Variants in EYS observed in about 807,000 individuals in gnomAD.
The protein encoded by EYS is protein eyes shut homolog.
Under a neutral mutation model 282.1 loss-of-function variants are expected in EYS, and 250 were observed. The ratio of observed to expected loss-of-function variants is 0.89; its 90% CI spans 0.80 to 0.98. EYS has a LOEUF of 0.98. Among genes scored for constraint, EYS ranks in the 50% least tolerant of loss-of-function variants. The pLI, the probability that EYS is intolerant of heterozygous loss-of-function variation, is 0.00. For synonymous variants in EYS, 1,355 were observed against 1,282.9 expected (o/e 1.06, Z -1.20); for missense variants, 4,016 against 3,709.0 (o/e 1.08, Z -2.15).
In EYS at chr6:64,315,567, C is replaced by T. The variant is rs367963104; in HGVS notation, c.6079-8485G>A. ...AGCCACACATCAAAAAGCTTTTCTA[C>T]CACGATCAAGTCAGCTTCATCCCTG... On this transcript the variant is annotated intron_variant, in intron 29 of 42. Transcript: ENST00000503581. Among the ~76,000 whole-genome samples the T allele has an allele frequency of 5.3e-5, 8 of 151,506 alleles. No individual in the cohort carries two copies. In the South Asian group the frequency reaches 8.3e-4, roughly 16 times the overall value.
At chr6:64,973,832 C>T (rs1039119500) in intron 14 of EYS, among the ~76,000 whole-genome samples, 2 of 151,762 alleles carry the variant, frequency 1.3e-5, no homozygotes, top group African/African-American at 4.8e-5. Flanking sequence ...TTAAAATGGG[C>T]TTTATTATAA....
At chr6:64,019,385 C>A (rs1336732773) in intron 33 of EYS, among the ~76,000 whole-genome samples, 2 of 151,708 alleles carry the variant, frequency 1.3e-5, no homozygotes, top group Non-Finnish European at 1.5e-5. Context: ...CTACAAGAAA[C>A]AAATAAAGGG....
In EYS at chr6:64,822,710, A is replaced by C. The variant is rs969468917; in HGVS notation, c.3105T>G (p.Phe1035Leu). 1.4e-5 allele frequency: 22 copies of C among 1,548,494 alleles called. No individual in the cohort carries two copies. The highest frequency in any genetic ancestry group is 1.7e-4 in the Middle Eastern group (1 of 6,000). Residue 1035 changes from phenylalanine (F) to leucine (L), a missense_variant, in exon 20 of 43, where the codon TTT becomes TTG. Coordinates refer to ENST00000503581, the MANE Select transcript of EYS (RefSeq NM_001142800.2). The part of the protein sequence containing the change: ...HYTCDCKSGF[F>L]GTHCETNAND... ...TGGCGTTTGTTTCACAGTGTGTTCC[A>C]AAAAACCCACTCTTGCAGTCACAGG...
In EYS at chr6:64,701,913, G is replaced by T. The variant is rs114421652; in HGVS notation, c.3444-75668C>A. Among the ~76,000 whole-genome samples the T allele has an allele frequency of 4.9e-3, 748 of 151,564 alleles. 2 individuals carry two copies. The highest frequency in any genetic ancestry group is 0.017 in the African/African-American group (689 of 41,352). On this transcript the variant is annotated intron_variant, in intron 22 of 42. Transcript: ENST00000503581. ...TATATAATAACTTTAAAATAGTCTG[G>T]TTTTTTTTGAATTTGCTTTGCAATT...
At chr6:63,780,688 T>A (rs995031125) in intron 39 of EYS, among the ~76,000 whole-genome samples, 1 of 152,160 alleles carries the variant, frequency 6.6e-6, no homozygotes, top group Non-Finnish European at 1.5e-5. Flanking sequence ...TTTTCTCCCA[T>A]TCTGTAGGTT....
intron 29 of EYS, among the ~76,000 whole-genome samples, chr6:64,361,130 G>C (rs1771987416): frequency 1.3e-5 from 2 of 151,562 alleles, no homozygotes; most frequent in Non-Finnish European, 3.0e-5. Flanking sequence ...TATATATTTT[G>C]ATTATCACAT....
chr6:63,839,267 T>C (rs1771887837), intron 36 of EYS, among the ~76,000 whole-genome samples: 1 of 152,212 alleles, frequency 6.6e-6, no homozygotes, highest in Non-Finnish European at 1.5e-5. Flanking sequence ...TATAGTTTTA[T>C]GAGATCAGCT....
intron 12 of EYS, among the ~76,000 whole-genome samples, chr6:65,251,909 C>G (rs1469348469): frequency 6.6e-6 from 1 of 151,860 alleles, no homozygotes; most frequent in Non-Finnish European, 1.5e-5. Context: ...CTCTCTTTTT[C>G]TTTGTACCAG....
intron 22 of EYS, among the ~76,000 whole-genome samples, chr6:64,766,650 ATATATATATATATATATATATATAT>A (rs1374987692): frequency 7.2e-5 from 2 of 27,648 alleles, no homozygotes; most frequent in Non-Finnish European, 1.3e-4. Flanking sequence ...AAAAAAAAAA[ATATATATATATATATATATATATAT>A]ATATATATAA....
Position 64,730,436 on chromosome 6 carries a change from A to G in EYS, c.3443+82942T>C, listed in dbSNP as rs115781084. ...TGCCAACATGGGATAAGGAGATTGC[A>G]TGACTGAATATCTTGGAGAAGAGCA... On this transcript the variant is annotated intron_variant, in intron 22 of 42. Transcript: ENST00000503581. Among the ~76,000 whole-genome samples the G allele has an allele frequency of 2.3e-3, 344 of 152,312 alleles. 2 individuals carry two copies. The highest frequency in any genetic ancestry group is 8.0e-3 in the African/African-American group (332 of 41,560).
chr6:64,825,251 C>T lies in EYS; in HGVS notation c.2993-2429G>A, dbSNP rs1351547477. Among the ~76,000 whole-genome samples the T allele has an allele frequency of 2.6e-5, 4 of 151,882 alleles. 1 individual carries two copies. The East Asian group carries it at 7.7e-4, about 29-fold the overall frequency. Reference sequence around the variant, plus strand: ...TATTCAACCACACAATACAAAATTGCATTCTCGTCTTAATCCGCAATTGCC... The same window carrying T: ...TATTCAACCACACAATACAAAATTGTATTCTCGTCTTAATCCGCAATTGCC... On this transcript the variant is annotated intron_variant, in intron 19 of 42. Coordinates refer to ENST00000503581, the MANE Select transcript of EYS (RefSeq NM_001142800.2).
intron 11 of EYS, among the ~76,000 whole-genome samples, chr6:65,322,892 CTT>C (rs936191238): frequency 4.0e-5 from 6 of 150,632 alleles, no homozygotes; most frequent in Non-Finnish European, 5.9e-5. Flanking sequence ...CTCAGTGGCT[CTT>C]GATTTAGGGA....
chr6:64,145,636 C>A lies in EYS; in HGVS notation c.6425-63634G>T, dbSNP rs866859049. Among the ~76,000 whole-genome samples the A allele has an allele frequency of 2.6e-5, 4 of 151,694 alleles. No individual in the cohort carries two copies. The South Asian group carries it at 6.2e-4, about 24-fold the overall frequency. On this transcript the variant is annotated intron_variant, in intron 31 of 42. Transcript: ENST00000503581. Reference sequence around the variant, plus strand: ...TAAGTACATGCTTAAAATTTAAAACCTTATCTTTTTTTCTTTACTCTTGTA... The same window carrying A: ...TAAGTACATGCTTAAAATTTAAAACATTATCTTTTTTTCTTTACTCTTGTA...
At chr6:64,732,223 T>TGTATGCC (rs745790839) in intron 22 of EYS, among the ~76,000 whole-genome samples, 7,070 of 151,798 alleles carry the variant, frequency 0.047, 220 homozygotes, top group East Asian at 0.18. Flanking sequence ...GATGGGTTGC[T>TGTATGCC]GGGTGCAGCA....
At chr6:65,443,202 T>C (rs1232665362) in intron 5 of EYS, among the ~76,000 whole-genome samples, 2 of 151,826 alleles carry the variant, frequency 1.3e-5, no homozygotes, top group African/African-American at 2.4e-5. Flanking sequence ...TGTGCGCACA[T>C]ATATGTATGC....
chr6:65,629,206 TTAAATC>T (rs1038792269), intron 2 of EYS, among the ~76,000 whole-genome samples: 6 of 152,126 alleles, frequency 3.9e-5, no homozygotes, highest in Admixed American at 2.0e-4. Context: ...GTACCCAAAA[TTAAATC>T]TAAAGGGAGA....
At chr6:64,559,273 G>GCA (rs1260550906) in intron 26 of EYS, among the ~76,000 whole-genome samples, 10 of 116,850 alleles carry the variant, frequency 8.6e-5, no homozygotes, top group South Asian at 2.8e-4. Flanking sequence ...GTGTGTGCAT[G>GCA]TGTGTGTGTG....
intron 28 of EYS, among the ~76,000 whole-genome samples, chr6:64,415,722 T>G (rs1774039896): frequency 6.6e-6 from 1 of 152,198 alleles, no homozygotes; most frequent in Admixed American, 6.5e-5. Flanking sequence ...TCAATAAAAA[T>G]TGCTAGTGAT....
At chr6:64,658,707 C>A (rs959335468) in intron 22 of EYS, among the ~76,000 whole-genome samples, 1 of 152,198 alleles carries the variant, frequency 6.6e-6, no homozygotes, top group Non-Finnish European at 1.5e-5. Flanking sequence ...TGGATCAATC[C>A]TCTGGAAGTC....
Sources: gnomAD v4.1 joint callset for allele counts (sites outside exome capture counted in the v4.1 genomes callset) on GRCh38, gnomAD v4.1.1 for gene constraint, MANE v1.5 for transcripts, NCBI Gene and HGNC (gene_info 2026-07-23, HGNC 2026-07-21) for gene names.